Variants in MON2 observed in about 807,000 individuals in gnomAD.
The protein encoded by MON2 is protein MON2 homolog.
Under a neutral mutation model 208.6 loss-of-function variants are expected in MON2, and 84 were observed. That is an observed-to-expected ratio of 0.40 (90% CI 0.34 to 0.48). The LOEUF (loss-of-function observed/expected upper bound fraction) is 0.48, where lower values mean the gene tolerates loss of function less well. MON2 is among the 20% of genes least tolerant of loss of function. MON2 has a pLI of 0.59. For synonymous variants in MON2, 660 were observed against 694.0 expected (o/e 0.95, Z 0.77); for missense variants, 1,611 against 2,015.4 (o/e 0.80, Z 3.84).
chr12:62,571,397 T>C lies in MON2; in HGVS notation c.4329T>C (p.Leu1443=). 6.3e-7 allele frequency: 1 copy of C among 1,597,146 alleles called. No individual in the cohort carries two copies. The highest frequency in any genetic ancestry group is 8.6e-7 in the Non-Finnish European group (1 of 1,169,218). The change falls in exon 30 of 35, where the codon CTT becomes CTC. Residue 1443 remains leucine, a synonymous_variant. Coordinates refer to ENST00000393630, the MANE Select transcript of MON2 (RefSeq NM_015026.3). ...TAAACTGTCTTTATTTTCAGACTCT[T>C]AGGGTTCCTCTCAGTTTGAAGTATT... ...EKVLQNIIKT[L]RVPLSLKYSC... is the part of the protein sequence containing the mutation.
At position 62,526,076 on chromosome 12, in the gene MON2, A is replaced by G. The variant is rs1229358374; in HGVS notation, c.1374A>G (p.Thr458=). 1.2e-5 allele frequency: 20 copies of G among 1,613,760 alleles called. No homozygotes were observed. The highest frequency in any genetic ancestry group is 1.5e-5 in the Non-Finnish European group (18 of 1,179,828). Residue 458 remains threonine, a synonymous_variant, in exon 11 of 35, where the codon ACA becomes ACG. Transcript: ENST00000393630. ...RGTWIPILTI[T]VQGSAKATYL... is the part of the protein sequence containing the mutation. ...CCTGGATACCTATTCTGACAATCAC[A>G]GTTCAAGGCAGTGCTAAAGCCACCT...
chr12:62,472,016 G>A (rs554147460), intron 1 of MON2, among the ~76,000 whole-genome samples: 18 of 152,170 alleles, frequency 1.2e-4, no homozygotes, highest in Non-Finnish European at 2.6e-4. Flanking sequence ...AAAGAAGTAG[G>A]GGGTGGCAAG....
At chr12:62,479,426 G>A (rs1364563658) in intron 1 of MON2, among the ~76,000 whole-genome samples, 78 of 70,458 alleles carry the variant, frequency 1.1e-3, no homozygotes, top group African/African-American at 4.7e-3. Context: ...GTGTGTGTGT[G>A]TATATCCCCC....
intron 11 of MON2, among the ~76,000 whole-genome samples, chr12:62,527,218 A>T (rs1354932715): frequency 6.6e-6 from 1 of 152,118 alleles, no homozygotes; most frequent in African/African-American, 2.4e-5. Flanking sequence ...TTAGTTCAGG[A>T]GTTGGAGTAC....
intron 8 of MON2, 160 bp downstream of exon 8, chr12:62,508,640 C>T (rs7294404): frequency 0.36 from 219,695 of 605,464 alleles, 40,431 homozygotes; most frequent in African/African-American, 0.42. Context: ...TTGTTCTATC[C>T]TTTCTTGAAT....
intron 29 of MON2, among the ~76,000 whole-genome samples, chr12:62,567,740 T>C (rs2074436817): frequency 6.6e-6 from 1 of 152,222 alleles, no homozygotes; most frequent in Non-Finnish European, 1.5e-5. Flanking sequence ...AAAATGATTC[T>C]TAGATTTAAT....
intron 30 of MON2, among the ~76,000 whole-genome samples, chr12:62,576,819 T>C (rs1253783670): frequency 1.3e-5 from 2 of 151,790 alleles, no homozygotes; most frequent in Non-Finnish European, 2.9e-5. Context: ...CATCATATGA[T>C]ATTTTAAAAA....
chr12:62,567,491 C>G (rs575861008), intron 29 of MON2, among the ~76,000 whole-genome samples: 93 of 152,308 alleles, frequency 6.1e-4, no homozygotes, highest in African/African-American at 2.2e-3. Context: ...AAACTGCTTT[C>G]TTAAACTTAC....
chr12:62,558,475 G>A lies in MON2; in HGVS notation c.3410-2016G>A, dbSNP rs577012045. On this transcript the variant is annotated intron_variant, in intron 25 of 34. Transcript: ENST00000393630. ...AAATATGTTAATAGAGAAATTGCAG[G>A]AGTTTTTCTCCCTAAATGGCACGGG... 9.9e-5 allele frequency among the ~76,000 whole-genome samples: 15 copies of A among 152,146 alleles called. No homozygotes were observed. In the South Asian group the frequency reaches 3.1e-3, roughly 32 times the overall value.
Position 62,596,381 on chromosome 12 carries a change from C to T in MON2, c.*3632C>T, listed in dbSNP as rs914897174. On this transcript the variant is annotated 3_prime_UTR_variant, in exon 35 of 35. Coordinates refer to ENST00000393630, the MANE Select transcript of MON2 (RefSeq NM_015026.3). ...CACTTACAGGAGTCCCTAACTGTGC[C>T]ACCCTTGGAATGGGTTAGTGTACAG... The T allele has an allele frequency of 6.6e-6, 1 of 152,178 alleles. No homozygotes were observed. The highest frequency in any genetic ancestry group is 2.4e-5 in the African/African-American group (1 of 41,440). The allele number at this position is 152,178 out of a possible 1,614,324, so 9.4% of individuals were successfully genotyped here.
intron 21 of MON2, 45 bp downstream of exon 21, chr12:62,545,053 T>A: frequency 8.0e-7 from 1 of 1,254,170 alleles, no homozygotes; most frequent in Non-Finnish European, 1.1e-6. Context: ...AATATAAAAT[T>A]ATCCTCCTCC....
intron 2 of MON2, among the ~76,000 whole-genome samples, chr12:62,488,151 A>G (rs2069904471): frequency 6.6e-6 from 1 of 152,088 alleles, no homozygotes; most frequent in South Asian, 2.1e-4. Context: ...CGTGAGTTTT[A>G]TCATCTTAAG....
At chr12:62,480,606 T>A (rs1356793693) in intron 1 of MON2, among the ~76,000 whole-genome samples, 2 of 152,172 alleles carry the variant, frequency 1.3e-5, no homozygotes, top group African/African-American at 4.8e-5. Context: ...CCTTATTGTG[T>A]GTTTGCATAA....
At position 62,555,671 on chromosome 12, in the gene MON2, T is replaced by C. The variant is rs535916945; in HGVS notation, c.3211-323T>C. On this transcript the variant is annotated intron_variant, in intron 24 of 34. Transcript: ENST00000393630. Reference sequence around the variant, plus strand: ...CTAAAAATACAAAAATTAGCTGGTGTGGTGGTGGACACCTGTAATCCCAGC... The same window carrying C: ...CTAAAAATACAAAAATTAGCTGGTGCGGTGGTGGACACCTGTAATCCCAGC... Among the ~76,000 whole-genome samples the C allele has an allele frequency of 9.9e-5, 15 of 152,104 alleles. No homozygotes were observed. In the East Asian group the frequency reaches 2.7e-3, roughly 27 times the overall value.
intron 32 of MON2, among the ~76,000 whole-genome samples, chr12:62,583,222 C>T (rs548544712): frequency 1.3e-5 from 2 of 152,090 alleles, no homozygotes; most frequent in South Asian, 4.2e-4. Context: ...GTCCCAGTTA[C>T]TTGGGAGGCT....
At chr12:62,521,176 T>A (rs980009666) in intron 8 of MON2, among the ~76,000 whole-genome samples, 26 of 152,020 alleles carry the variant, frequency 1.7e-4, no homozygotes, top group African/African-American at 6.0e-4. Flanking sequence ...TGGCTAATTT[T>A]AAAAATATTT....
At chr12:62,493,030 T>C (rs11174510) in intron 2 of MON2, among the ~76,000 whole-genome samples, 1 of 147,988 alleles carries the variant, frequency 6.8e-6, no homozygotes, top group Non-Finnish European at 1.5e-5. Flanking sequence ...CACACACACA[T>C]ACACACATAC....
chr12:62,510,544 A>G (rs896713613), intron 8 of MON2, among the ~76,000 whole-genome samples: 6 of 152,226 alleles, frequency 3.9e-5, no homozygotes, highest in African/African-American at 1.4e-4. Context: ...CTACATGATC[A>G]TTTCAATTGA....
In MON2 at chr12:62,520,026, A is replaced by G. The variant is rs2071931269; in HGVS notation, c.985-4489A>G. On this transcript the variant is annotated intron_variant, in intron 8 of 34. Coordinates refer to ENST00000393630, the MANE Select transcript of MON2 (RefSeq NM_015026.3). ...GAGACGGGGTTTCACCCCGTTAGCC[A>G]GGATGGTCTCGATCTCCTGACCTCG... Among the ~76,000 whole-genome samples the G allele has an allele frequency of 1.3e-5, 2 of 152,226 alleles. 1 individual carries two copies. The highest frequency in any genetic ancestry group is 4.1e-4 in the South Asian group (2 of 4,832).
Sources: allele counts gnomAD v4.1 joint callset (sites outside exome capture counted in the v4.1 genomes callset), GRCh38; gene constraint gnomAD v4.1.1; transcripts MANE v1.5; gene names NCBI Gene and HGNC (gene_info 2026-07-23, HGNC 2026-07-21).